Variants in SEL1L2 observed in about 807,000 individuals in gnomAD.
The protein encoded by SEL1L2 is SEL1L2 adaptor subunit of SYVN1 ubiquitin ligase.
In SEL1L2, 89 loss-of-function variants were observed where a neutral mutation model predicts 98.8. The observed-to-expected ratio is 0.90, with a 90% CI of 0.76 to 1.07. The LOEUF is 1.07. Ranked by LOEUF, SEL1L2 falls within the 50% of genes least tolerant of loss-of-function variation. The probability of loss-of-function intolerance (pLI) is 0.00; values close to 1 mark genes in which losing one functional copy is unlikely to be tolerated. For missense variants in SEL1L2, 788 were observed against 812.0 expected, an observed-to-expected ratio of 0.97 and a Z score of 0.36; for synonymous variants, 262 against 278.5, an observed-to-expected ratio of 0.94 and a Z score of 0.59.
chr20:13,899,812 T>A (rs2047588198), intron 5 of SEL1L2, among the ~76,000 whole-genome samples: 1 of 152,202 alleles, frequency 6.6e-6, no homozygotes, highest in Admixed American at 6.5e-5. Context: ...GCTATTTTAT[T>A]GAGATTAAGC....
chr20:13,909,039 T>TAATATAATAGA (rs1323361794), intron 5 of SEL1L2, among the ~76,000 whole-genome samples: 1 of 152,172 alleles, frequency 6.6e-6, no homozygotes, highest in African/African-American at 2.4e-5. Context: ...TATTTCCTTA[T>TAATATAATAGA]TTCTGACTGT....
intron 5 of SEL1L2, among the ~76,000 whole-genome samples, chr20:13,903,385 AG>A (rs1338376967): frequency 6.6e-6 from 1 of 152,116 alleles, no homozygotes; most frequent in Non-Finnish European, 1.5e-5. Flanking sequence ...GAATTGTAAA[AG>A]TCTGTTTGGG....
At chr20:13,869,924 A>G (rs970307683) in intron 13 of SEL1L2, among the ~76,000 whole-genome samples, 3 of 152,138 alleles carry the variant, frequency 2.0e-5, no homozygotes, top group African/African-American at 4.8e-5. Context: ...AGAATCTATG[A>G]TTCTAAGCTA....
At chr20:13,981,384 C>T (rs1340564863) in intron 1 of SEL1L2, among the ~76,000 whole-genome samples, 2 of 152,098 alleles carry the variant, frequency 1.3e-5, no homozygotes, top group Non-Finnish European at 2.9e-5. Context: ...AGATGTTGCA[C>T]AGCATGGTGA....
At chr20:13,865,767 A>G (rs991028761) in intron 15 of SEL1L2, among the ~76,000 whole-genome samples, 1 of 152,142 alleles carries the variant, frequency 6.6e-6, no homozygotes, top group African/African-American at 2.4e-5. Flanking sequence ...TTAAATTTGT[A>G]TAATAAACTT....
At chr20:13,891,663 CAAAAAAAA>C (rs61545047) in intron 5 of SEL1L2, among the ~76,000 whole-genome samples, 1 of 74,246 alleles carries the variant, frequency 1.3e-5, no homozygotes, top group Non-Finnish European at 2.4e-5. Context: ...AAGACTCCAT[CAAAAAAAA>C]AAAAAAAAAA....
At position 13,865,152 on chromosome 20, in the gene SEL1L2, A is replaced by T; in HGVS notation, c.1645+15T>A. On this transcript the variant is annotated intron_variant, in intron 17 of 19. Transcript: ENST00000284951. Reference sequence around the variant, plus strand: ...AGGGACCGGGTATGTGCTTATTTTTATCTGGGTTCCATACCTTGAATGGCA... The same window carrying T: ...AGGGACCGGGTATGTGCTTATTTTTTTCTGGGTTCCATACCTTGAATGGCA... 6.2e-7 allele frequency: 1 copy of T among 1,603,306 alleles called. No individual in the cohort carries two copies. Among genetic ancestry groups the T allele is most frequent in the Non-Finnish European group, 8.5e-7 (1 of 1,172,134 alleles).
intron 18 of SEL1L2, among the ~76,000 whole-genome samples, chr20:13,852,359 T>A (rs181143066): frequency 6.6e-6 from 1 of 152,274 alleles, no homozygotes; most frequent in East Asian, 1.9e-4. Context: ...TGGGGGGTGA[T>A]GTGAAAGCCT....
chr20:13,976,213 G>A (rs1601006696), intron 1 of SEL1L2, among the ~76,000 whole-genome samples: 1 of 151,886 alleles, frequency 6.6e-6, no homozygotes. Flanking sequence ...TGTTGGCCAG[G>A]CTGGTCTCGA....
At chr20:13,896,796 A>T (rs2047446956) in intron 5 of SEL1L2, among the ~76,000 whole-genome samples, 1 of 152,226 alleles carries the variant, frequency 6.6e-6, no homozygotes, top group African/African-American at 2.4e-5. Context: ...GTGTTGATGG[A>T]TTGTGAGACT....
At chr20:13,948,810 A>G (rs888366788) in intron 2 of SEL1L2, among the ~76,000 whole-genome samples, 4 of 152,228 alleles carry the variant, frequency 2.6e-5, no homozygotes, top group Non-Finnish European at 5.9e-5. Context: ...AGTATTGCCA[A>G]GGAAGAAGGC....
chr20:13,959,466 G>A (rs1280772597), intron 1 of SEL1L2, among the ~76,000 whole-genome samples: 3 of 152,146 alleles, frequency 2.0e-5, no homozygotes, highest in East Asian at 1.9e-4. Context: ...AAACTGCAAC[G>A]CCTGAGCCAG....
At chr20:13,938,723 A>G (rs1044123191) in intron 2 of SEL1L2, among the ~76,000 whole-genome samples, 7 of 152,106 alleles carry the variant, frequency 4.6e-5, no homozygotes, top group Non-Finnish European at 8.8e-5. Flanking sequence ...CCCCTCTATA[A>G]AATAGGGGTA....
Position 13,934,358 on chromosome 20 carries a change from CAT to C in SEL1L2, c.115-2589_115-2588del, listed in dbSNP as rs56176214. ...ATATATATTCCATATATATATATTC[CAT>C]ATATATATATTCCATATATATATAT... On this transcript the variant is annotated intron_variant, in intron 2 of 19. Transcript: ENST00000284951. Among the ~76,000 whole-genome samples, 13 of 4,056 alleles carry C rather than the reference CAT, an allele frequency of 3.2e-3. No homozygotes were observed. In the East Asian group the frequency reaches 0.076, roughly 24 times the overall value. 2.7% of individuals were successfully genotyped at this position (4,056 alleles called of 152,430 possible).
intron 5 of SEL1L2, among the ~76,000 whole-genome samples, chr20:13,892,410 G>A (rs6033848): frequency 0.09 from 13,604 of 151,130 alleles, 724 homozygotes; most frequent in African/African-American, 0.14. Context: ...AGATCACACC[G>A]TTGCACTCCA....
intron 14 of SEL1L2, among the ~76,000 whole-genome samples, chr20:13,868,506 C>T (rs868523328): frequency 3.3e-5 from 5 of 152,106 alleles, no homozygotes; most frequent in South Asian, 2.1e-4. Flanking sequence ...CCTGATCTTC[C>T]GTTCATGCCG....
At chr20:13,945,318 C>G (rs778122547) in intron 2 of SEL1L2, among the ~76,000 whole-genome samples, 1 of 152,078 alleles carries the variant, frequency 6.6e-6, no homozygotes, top group Non-Finnish European at 1.5e-5. Context: ...GATATTCTTA[C>G]GTTTTTCTGC....
intron 8 of SEL1L2, among the ~76,000 whole-genome samples, chr20:13,887,106 T>G (rs1056939769): frequency 6.6e-6 from 1 of 152,228 alleles, no homozygotes; most frequent in African/African-American, 2.4e-5. Context: ...CTTTAATTAC[T>G]TCCTATGGAT....
At chr20:13,935,650 A>C (rs1374364144) in intron 2 of SEL1L2, among the ~76,000 whole-genome samples, 1 of 152,136 alleles carries the variant, frequency 6.6e-6, no homozygotes, top group African/African-American at 2.4e-5. Flanking sequence ...GGGGGAAATA[A>C]TGAGGCAGAG....
Sources: gnomAD v4.1 joint callset for allele counts (sites outside exome capture counted in the v4.1 genomes callset) on GRCh38, gnomAD v4.1.1 for gene constraint, MANE v1.5 for transcripts, NCBI Gene and HGNC (gene_info 2026-07-23, HGNC 2026-07-21) for gene names.